PRKAG2: variants seen among roughly 807,000 people sequenced by gnomAD.
The protein encoded by PRKAG2 is 5'-AMP-activated protein kinase subunit gamma-2.
A neutral mutation model predicts 69.6 loss-of-function variants in PRKAG2; 26 were observed. The ratio of observed to expected loss-of-function variants is 0.37; its 90% CI spans 0.27 to 0.52. The LOEUF (loss-of-function observed/expected upper bound fraction) is 0.52. PRKAG2 is among the 20% of genes least tolerant of loss of function. The pLI is 0.90. For synonymous variants in PRKAG2, 293 were observed against 285.0 expected (o/e 1.03, Z -0.28); for missense variants, 557 against 740.0 (o/e 0.75, Z 2.87).
At chr7:151,601,668 C>A (rs188325705) in intron 5 of PRKAG2, among the ~76,000 whole-genome samples, 57 of 152,274 alleles carry the variant, frequency 3.7e-4, no homozygotes, top group African/African-American at 1.0e-3. Context: ...GGACATCACC[C>A]CCGTCATTTC....
intron 3 of PRKAG2, chr7:151,736,517 C>A: frequency 1.7e-6 from 1 of 605,006 alleles, no homozygotes; most frequent in Non-Finnish European, 2.1e-6. Context: ...AGGAAACCAC[C>A]CTGGGCAGAC....
chr7:151,639,775 A>G (rs940194544), intron 4 of PRKAG2, among the ~76,000 whole-genome samples: 7 of 152,090 alleles, frequency 4.6e-5, no homozygotes, highest in Admixed American at 1.3e-4. Flanking sequence ...CCACGCTACC[A>G]TTACCTGCAT....
chr7:151,632,637 G>C lies in PRKAG2; in HGVS notation c.685-499C>G. 1.0e-6 allele frequency: 1 copy of C among 983,424 alleles called. No homozygotes were observed. Among genetic ancestry groups the C allele is most frequent in the Non-Finnish European group, 1.2e-6 (1 of 828,210 alleles). 60.9% of individuals were successfully genotyped at this position (983,424 alleles called of 1,614,324 possible). ...GCAGGTGTGGGCTCCGCGGCGCGGGGAGGGGGAGAGGGGCTGGAGGCTGCA... is the reference window on the plus strand; with the variant it reads ...GCAGGTGTGGGCTCCGCGGCGCGGGCAGGGGGAGAGGGGCTGGAGGCTGCA... On this transcript the variant is annotated intron_variant, in intron 4 of 15. Coordinates refer to ENST00000287878, the MANE Select transcript of PRKAG2 (RefSeq NM_016203.4). The surrounding 1 kb of genome is among the most constrained non-coding windows in gnomAD (Gnocchi z 4.2).
At chr7:151,710,964 C>T (rs1795203556) in intron 3 of PRKAG2, among the ~76,000 whole-genome samples, 2 of 151,940 alleles carry the variant, frequency 1.3e-5, no homozygotes, top group Non-Finnish European at 1.5e-5. Flanking sequence ...ATGGTACCAG[C>T]AGTACTAGCC....
chr7:151,750,495 C>T (rs1436091471), intron 3 of PRKAG2, among the ~76,000 whole-genome samples: 1 of 152,212 alleles, frequency 6.6e-6, no homozygotes, highest in Non-Finnish European at 1.5e-5. Flanking sequence ...ATAGAAGCCA[C>T]ATGCAGAAGC....
intron 3 of PRKAG2, among the ~76,000 whole-genome samples, chr7:151,714,219 A>G (rs1461428446): frequency 6.6e-6 from 1 of 152,156 alleles, no homozygotes. Flanking sequence ...CGCTCATTAA[A>G]CATCCTATGC....
chr7:151,670,695 G>C (rs1831874075), intron 4 of PRKAG2, among the ~76,000 whole-genome samples: 1 of 152,174 alleles, frequency 6.6e-6, no homozygotes, highest in Admixed American at 6.5e-5. Context: ...TGTTCAATTA[G>C]TAGATATTCA....
At chr7:151,790,613 G>A (rs537668785) in intron 1 of PRKAG2, 1 of 152,274 alleles carries the variant, frequency 6.6e-6, no homozygotes, top group Non-Finnish European at 1.5e-5. Flanking sequence ...GGGCCGCAGA[G>A]TCTGTGCCGC....
At chr7:151,808,171 T>C (rs370885632) in intron 1 of PRKAG2, among the ~76,000 whole-genome samples, 11 of 152,224 alleles carry the variant, frequency 7.2e-5, no homozygotes, top group African/African-American at 2.6e-4. Context: ...GCACCAGAGA[T>C]TGGTGATGCT....
chr7:151,750,319 C>T (rs1391190431), intron 3 of PRKAG2, among the ~76,000 whole-genome samples: 1 of 152,108 alleles, frequency 6.6e-6, no homozygotes, highest in East Asian at 1.9e-4. Flanking sequence ...ACGTTGATGG[C>T]AGCTCTATTC....
chr7:151,603,152 C>G (rs1816565224), intron 5 of PRKAG2, among the ~76,000 whole-genome samples: 1 of 149,374 alleles, frequency 6.7e-6, no homozygotes, highest in African/African-American at 2.5e-5. Flanking sequence ...CACGGAGGGA[C>G]ACGCTCCGTC....
intron 1 of PRKAG2, among the ~76,000 whole-genome samples, chr7:151,840,313 G>C (rs754154172): frequency 6.6e-5 from 10 of 152,136 alleles, no homozygotes; most frequent in Non-Finnish European, 1.2e-4. Context: ...TCCCCAGGCT[G>C]CCTGTGTAGA....
chr7:151,706,525 T>C (rs1838635477), intron 3 of PRKAG2, among the ~76,000 whole-genome samples: 1 of 146,972 alleles, frequency 6.8e-6, no homozygotes, highest in African/African-American at 2.5e-5. Context: ...CACCGAGATC[T>C]CCCACCACGA....
rs117257716 is a variant in PRKAG2, at chr7:151,612,256, T to C, written c.755-16802A>G. Reference sequence around the variant, plus strand: ...ACCTGCCCGCAGGTTTGGGAGCCGCTGAGTGCACTGCAGAGTGAGCGTCAG... The same window carrying C: ...ACCTGCCCGCAGGTTTGGGAGCCGCCGAGTGCACTGCAGAGTGAGCGTCAG... On this transcript the variant is annotated intron_variant, in intron 5 of 15. Coordinates refer to ENST00000287878, the MANE Select transcript of PRKAG2 (RefSeq NM_016203.4). Among the ~76,000 whole-genome samples, 61 of 152,334 alleles carry C rather than the reference T, an allele frequency of 4.0e-4. No individual in the cohort carries two copies. In the East Asian group the frequency reaches 0.011, roughly 28 times the overall value.
intron 1 of PRKAG2, among the ~76,000 whole-genome samples, chr7:151,860,472 G>A (rs1050031627): frequency 6.6e-6 from 1 of 152,168 alleles, no homozygotes; most frequent in Non-Finnish European, 1.5e-5. Flanking sequence ...CATCTGTGGT[G>A]CCCAAGGCCT....
chr7:151,633,645 CACTT>C (rs1353929198), intron 4 of PRKAG2, among the ~76,000 whole-genome samples: 7 of 151,648 alleles, frequency 4.6e-5, no homozygotes, highest in East Asian at 1.9e-4. Flanking sequence ...AAAACAATAT[CACTT>C]AATACAATCA....
intron 5 of PRKAG2, among the ~76,000 whole-genome samples, chr7:151,622,099 G>C (rs1411414018): frequency 6.6e-6 from 1 of 152,170 alleles, no homozygotes; most frequent in East Asian, 1.9e-4. Context: ...GACTTTAGGA[G>C]GGAAGAGAGG....
chr7:151,609,427 T>C (rs1818247076), intron 5 of PRKAG2, among the ~76,000 whole-genome samples: 1 of 152,218 alleles, frequency 6.6e-6, no homozygotes, highest in Admixed American at 6.5e-5. Context: ...TACTAAAGGA[T>C]AATTTAACAG....
intron 4 of PRKAG2, among the ~76,000 whole-genome samples, chr7:151,635,767 G>C (rs1389862770): frequency 1.3e-5 from 2 of 152,062 alleles, no homozygotes; most frequent in Non-Finnish European, 2.9e-5. Flanking sequence ...TCTACATCTT[G>C]ACTGTATCAA....
Sources: allele counts gnomAD v4.1 joint callset (sites outside exome capture counted in the v4.1 genomes callset), GRCh38; gene constraint gnomAD v4.1.1; non-coding constraint Gnocchi (gnomAD v3.1); transcripts MANE v1.5; gene names NCBI Gene and HGNC (gene_info 2026-07-23, HGNC 2026-07-21).